SCN3A: variants seen among roughly 807,000 people sequenced by gnomAD.
SCN3A encodes the protein sodium channel protein type 3 subunit alpha.
Under a neutral mutation model 187.6 loss-of-function variants are expected in SCN3A, and 60 were observed. The ratio of observed to expected loss-of-function variants is 0.32; its 90% CI spans 0.26 to 0.40. The LOEUF is 0.40. Among genes scored for constraint, SCN3A ranks in the 10% least tolerant of loss-of-function variants. The pLI is 1.00. For synonymous variants in SCN3A, 788 were observed against 829.2 expected (o/e 0.95, Z 0.85); for missense variants, 1,601 against 2,428.2 (o/e 0.66, Z 7.16).
Position 165,125,459 on chromosome 2 carries a change from G to A in SCN3A, c.3393+2172C>T, listed in dbSNP as rs544247349. ...GCTGGGACTACAGGTGCCCGCCACC[G>A]CACCCAGCGAATTTTTTTGTATTTA... On this transcript the variant is annotated intron_variant, in intron 18 of 27. Transcript: ENST00000283254. 1.2e-4 allele frequency among the ~76,000 whole-genome samples: 18 copies of A among 151,920 alleles called. 1 individual carries two copies. Among genetic ancestry groups the A allele is most frequent in the South Asian group, 6.2e-4 (3 of 4,818 alleles).
intron 1 of SCN3A, chr2:165,195,097 A>T (rs1691863851): frequency 6.6e-6 from 1 of 152,146 alleles, no homozygotes; most frequent in African/African-American, 2.4e-5. Context: ...AGAGAAAATT[A>T]TATATGATAA....
At chr2:165,102,306 T>C (rs557891966) in intron 21 of SCN3A, among the ~76,000 whole-genome samples, 7 of 152,156 alleles carry the variant, frequency 4.6e-5, no homozygotes, top group African/African-American at 1.4e-4. Flanking sequence ...AGGCCATGAG[T>C]TCAAGACCAG....
At chr2:165,137,758 T>G (rs1687754895) in intron 15 of SCN3A, 121 bp downstream of exon 15, 1 of 791,960 alleles carries the variant, frequency 1.3e-6, no homozygotes, top group Non-Finnish European at 2.3e-6. Flanking sequence ...CCTTAGATAT[T>G]TCTTTCTATG....
At chr2:165,131,615 T>C (rs890666061) in intron 15 of SCN3A, among the ~76,000 whole-genome samples, 198 bp from the exon 16 acceptor site, 3 of 151,848 alleles carry the variant, frequency 2.0e-5, no homozygotes, top group African/African-American at 7.2e-5. Context: ...TTTATTATTA[T>C]TATACTTTAA....
At chr2:165,094,845 G>A (rs1213176016) in intron 25 of SCN3A, among the ~76,000 whole-genome samples, 1 of 152,130 alleles carries the variant, frequency 6.6e-6, no homozygotes, top group Admixed American at 6.5e-5. Context: ...ACAATGTGCT[G>A]GGTGTCAGAA....
rs201684896 is a variant in SCN3A, at chr2:165,127,621, G to C, written c.3393+10C>G. 2 of 1,606,816 alleles carry C rather than the reference G, an allele frequency of 1.2e-6. No individual in the cohort carries two copies. The highest frequency in any genetic ancestry group is 1.7e-6 in the Non-Finnish European group (2 of 1,174,362). On this transcript the variant is annotated intron_variant, in intron 18 of 27. Transcript: ENST00000283254. ...AGGAAATGGAACAAAAAATTTAAAA[G>C]CATTCTTACCTCTTTGCTTTCTTCT...
chr2:165,120,799 CTTTTT>C (rs397869445), intron 18 of SCN3A, among the ~76,000 whole-genome samples: 1 of 135,360 alleles, frequency 7.4e-6, no homozygotes, highest in Non-Finnish European at 1.6e-5. Context: ...GCCAGTAGCT[CTTTTT>C]TTTTTTTTTT....
At chr2:165,169,660 T>C (rs935358116) in intron 4 of SCN3A, among the ~76,000 whole-genome samples, 27 of 152,048 alleles carry the variant, frequency 1.8e-4, no homozygotes, top group Non-Finnish European at 3.5e-4. Context: ...TCAGTTTCAT[T>C]TGCCCTGTCT....
intron 9 of SCN3A, among the ~76,000 whole-genome samples, chr2:165,160,780 C>T (rs2105883332): frequency 6.6e-6 from 1 of 151,162 alleles, no homozygotes; most frequent in East Asian, 2.0e-4. Context: ...AGCTGAGATA[C>T]AGGTGTGCCC....
chr2:165,090,386 T>C lies in SCN3A; in HGVS notation c.5767A>G (p.Ile1923Val). The C allele has an allele frequency of 6.2e-7, 1 of 1,613,074 alleles. No homozygotes were observed. Among genetic ancestry groups the C allele is most frequent in the South Asian group, 1.1e-5 (1 of 91,052 alleles). Reference protein sequence around the residue: ...CYLLKQRLKNISSNYNKEAIK... With the variant: ...CYLLKQRLKNVSSNYNKEAIK... ...GCCTCTTTGTTATAGTTACTTGATATATTTTTTAACCTTTGCTTTAAAAGA... is the reference window on the plus strand; with the variant it reads ...GCCTCTTTGTTATAGTTACTTGATACATTTTTTAACCTTTGCTTTAAAAGA... The change falls in exon 28 of 28, where the codon ATA becomes GTA. Residue 1923 changes from isoleucine to valine, a missense_variant. By Grantham distance (29) the Ile-to-Val change is conservative (BLOSUM62 3). Coordinates refer to ENST00000283254, the MANE Select transcript of SCN3A (RefSeq NM_006922.4). The surrounding 1 kb of genome is among the most constrained non-coding windows in gnomAD (Gnocchi z 4.0).
intron 19 of SCN3A, among the ~76,000 whole-genome samples, chr2:165,114,548 C>A (rs1270959525): frequency 2.6e-5 from 4 of 152,338 alleles, no homozygotes; most frequent in Non-Finnish European, 4.4e-5. Flanking sequence ...CCCATCCACT[C>A]TTCTGCTGTA....
chr2:165,096,099 G>T (rs1208373014), intron 24 of SCN3A, among the ~76,000 whole-genome samples: 1 of 151,998 alleles, frequency 6.6e-6, no homozygotes, highest in Non-Finnish European at 1.5e-5. Flanking sequence ...CCTGAAACTT[G>T]CTTGCTTTTC....
In SCN3A at chr2:165,154,709, A is replaced by G. The variant is rs764746486; in HGVS notation, c.1174-51T>C. The G allele has an allele frequency of 3.3e-6, 5 of 1,501,860 alleles. No homozygotes were observed. In the South Asian group the frequency reaches 4.5e-5, roughly 14 times the overall value. The allele number at this position is 1,501,860 out of a possible 1,614,324, so 93.0% of individuals were successfully genotyped here. On this transcript the variant is annotated intron_variant, in intron 10 of 27. Coordinates refer to ENST00000283254, the MANE Select transcript of SCN3A (RefSeq NM_006922.4). ...TCAGTATTTTAGTATAATGTCCCCA[A>G]ATAAATATCTGATTACCACAGTTAG...
At chr2:165,201,491 G>A (rs1307031182) in intron 1 of SCN3A, among the ~76,000 whole-genome samples, 1 of 152,032 alleles carries the variant, frequency 6.6e-6, no homozygotes, top group East Asian at 1.9e-4. Context: ...ATGGCAGGGA[G>A]AGAGAGGAAG....
In SCN3A at chr2:165,100,335, A is replaced by C; in HGVS notation, c.3933T>G (p.Pro1311=). Residue 1311 remains proline, a synonymous_variant, in exon 22 of 28, where the codon CCT becomes CCG. Coordinates refer to ENST00000283254, the MANE Select transcript of SCN3A (RefSeq NM_006922.4). ...KSLRTLRALR[P]LRALSRFEGM... ...CTTCAAACCGGGATAAGGCTCTTAG[A>C]GGTCTTAAAGCTCTTAATGTCCGTA... 1 of 1,613,924 alleles carries C rather than the reference A, an allele frequency of 6.2e-7. No homozygotes were observed. The highest frequency in any genetic ancestry group is 1.1e-5 in the South Asian group (1 of 91,068).
rs1055955306 is a variant in SCN3A at position 165,097,657 on chromosome 2, C to T, written c.3967-133G>A. 5 of 1,121,810 alleles carry T rather than the reference C, an allele frequency of 4.5e-6. No individual in the cohort carries two copies. In the African/African-American group the frequency reaches 4.7e-5, roughly 10 times the overall value. The allele number at this position is 1,121,810 out of a possible 1,614,324, so 69.5% of individuals were successfully genotyped here. ...AATCTAGGTGGACAAGTTGTTTCTT[C>T]TAATTTTTCTAGCACATATTTGAAG... is the stretch of plus-strand genomic sequence containing the variant. On this transcript the variant is annotated intron_variant, in intron 22 of 27. Transcript: ENST00000283254.
intron 18 of SCN3A, among the ~76,000 whole-genome samples, chr2:165,126,126 T>C (rs1367974660): frequency 6.6e-6 from 1 of 152,176 alleles, no homozygotes; most frequent in Non-Finnish European, 1.5e-5. Context: ...CAAAATATGC[T>C]CACGAAATCA....
At position 165,138,042 on chromosome 2, in the gene SCN3A, C is replaced by T; in HGVS notation, c.2228G>A (p.Cys743Tyr). Residue 743 changes from cysteine to tyrosine, a missense_variant, in exon 15 of 28, where the codon TGT becomes TAT. This residue lies in a region of SCN3A where 376 missense variants were observed against 476.0 expected (regional missense o/e 0.79). Transcript: ENST00000283254. ...ATGTTTTACTTTTAACCATGCATCA[C>T]AGCAGTCCCAGATCAAGAACACATT... ...FANVFLIWDCCDAWLKVKHLV... is the reference protein window; with the variant it reads ...FANVFLIWDCYDAWLKVKHLV... 2 of 1,613,580 alleles carry T rather than the reference C, an allele frequency of 1.2e-6. No homozygotes were observed. Among genetic ancestry groups the T allele is most frequent in the South Asian group, 1.1e-5 (1 of 91,068 alleles).
chr2:165,171,579 A>C (rs1690103908), intron 3 of SCN3A, among the ~76,000 whole-genome samples: 1 of 152,072 alleles, frequency 6.6e-6, no homozygotes, highest in African/African-American at 2.4e-5. Context: ...AGGCGATTCC[A>C]ATATGCAATC....
Sources: gnomAD v4.1 joint callset for allele counts (sites outside exome capture counted in the v4.1 genomes callset) on GRCh38, gnomAD v4.1.1 for gene constraint, gnomAD v4.1.1 regional missense constraint, Gnocchi (gnomAD v3.1) non-coding constraint, MANE v1.5 for transcripts, NCBI Gene and HGNC (gene_info 2026-07-23, HGNC 2026-07-21) for gene names.